Variants in D2HGDH observed in about 807,000 individuals in gnomAD.
D2HGDH encodes D-2-hydroxyglutarate dehydrogenase, mitochondrial.
A neutral mutation model predicts 46.9 loss-of-function variants in D2HGDH; 31 were observed. The observed-to-expected ratio is 0.66, with a 90% CI of 0.50 to 0.89. The LOEUF (loss-of-function observed/expected upper bound fraction) is 0.89. D2HGDH is among the 40% of genes least tolerant of loss of function. D2HGDH has a pLI of 0.00. For missense variants in D2HGDH, 698 were observed against 720.8 expected (o/e 0.97, Z 0.36); for synonymous variants, 364 against 332.6 (o/e 1.09, Z -1.03).
Position 241,745,954 on chromosome 2 carries a change from C to T in D2HGDH, c.853+1077C>T, listed in dbSNP as rs369721079. Among the ~76,000 whole-genome samples, 94 of 152,292 alleles carry T rather than the reference C, an allele frequency of 6.2e-4. 2 individuals carry two copies. The South Asian group carries it at 0.018, about 30-fold the overall frequency. ...CTGCTGCTGTGAAGGGATTCTGCCT[C>T]TCTCCTGGCCCCCCTTGGGCCACTT... On this transcript the variant is annotated intron_variant, in intron 6 of 9. Coordinates refer to ENST00000321264, the MANE Select transcript of D2HGDH (RefSeq NM_152783.5).
At chr2:241,748,882 G>A (rs996220018) in intron 6 of D2HGDH, 16 of 1,298,440 alleles carry the variant, frequency 1.2e-5, no homozygotes, top group Admixed American at 2.3e-5. Flanking sequence ...TGTGCCGCCC[G>A]CCTGTGGTCC....
At chr2:241,739,282 G>C (rs1693775392) in intron 2 of D2HGDH, among the ~76,000 whole-genome samples, 1 of 152,184 alleles carries the variant, frequency 6.6e-6, no homozygotes, top group Non-Finnish European at 1.5e-5. Flanking sequence ...TGTTTGTGTT[G>C]AGAACCCTGC....
chr2:241,758,402 A>G (rs573208072), intron 9 of D2HGDH, among the ~76,000 whole-genome samples: 86 of 152,164 alleles, frequency 5.7e-4, no homozygotes, highest in African/African-American at 2.0e-3. Flanking sequence ...TGGTATTGCT[A>G]ATTTTTTCCC....
chr2:241,736,950 T>G (rs763578366), intron 2 of D2HGDH, among the ~76,000 whole-genome samples: 6 of 151,478 alleles, frequency 4.0e-5, no homozygotes, highest in Admixed American at 6.6e-5. Flanking sequence ...CATGAGCCAC[T>G]GCACTTAGCT....
intron 7 of D2HGDH, 99 bp from the exon 8 acceptor site, chr2:241,751,147 A>G: frequency 6.5e-7 from 1 of 1,535,336 alleles, no homozygotes; most frequent in South Asian, 1.1e-5. Flanking sequence ...GCCACGAAAG[A>G]TCAGTGGTTG....
At chr2:241,755,683 C>G in intron 8 of D2HGDH, 166 bp from the exon 9 acceptor site, 1 of 1,554,172 alleles carries the variant, frequency 6.4e-7, no homozygotes, top group Non-Finnish European at 8.7e-7. Flanking sequence ...CATTCGCTGT[C>G]TGGGGTTGGA....
chr2:241,755,326 G>T (rs1177993802), intron 8 of D2HGDH: 1 of 1,303,628 alleles, frequency 7.7e-7, no homozygotes, highest in South Asian at 1.2e-5. Context: ...GAGCTGCCTG[G>T]GCCCTGCTGT....
chr2:241,750,200 G>A lies in D2HGDH; in HGVS notation c.903G>A (p.Gly301=). The change falls in exon 7 of 10, where the codon GGG becomes GGA. Residue 301 remains glycine, a synonymous_variant. Transcript: ENST00000321264. ...EVLQTFSTCK[G]MLGEILSAFE... is the part of the protein sequence containing the mutation. ...TGCAGACCTTCAGCACCTGCAAGGG[G>A]ATGCTGGGTGAGATCCTGTCTGCAT... 6.2e-7 allele frequency: 1 copy of A among 1,614,124 alleles called. No homozygotes were observed. The highest frequency in any genetic ancestry group is 8.5e-7 in the Non-Finnish European group (1 of 1,180,028).
intron 9 of D2HGDH, among the ~76,000 whole-genome samples, chr2:241,758,047 G>A (rs1698360717): frequency 6.6e-6 from 1 of 152,058 alleles, no homozygotes; most frequent in Non-Finnish European, 1.5e-5. Flanking sequence ...TTGTCTGCCT[G>A]TAATCAGTGT....
chr2:241,760,630 A>G (rs1418938645), intron 9 of D2HGDH, among the ~76,000 whole-genome samples: 1 of 151,152 alleles, frequency 6.6e-6, no homozygotes, highest in Admixed American at 6.6e-5. Context: ...AATCAGTCGA[A>G]GTCCTTTGCC....
Position 241,751,370 on chromosome 2 carries a change from C to T in D2HGDH, c.1122C>T (p.Thr374=), listed in dbSNP as rs556507268. The T allele has an allele frequency of 1.5e-5, 24 of 1,613,542 alleles. No homozygotes were observed. The highest frequency in any genetic ancestry group is 1.1e-4 in the African/African-American group (8 of 75,042). Residue 374 remains threonine, a synonymous_variant, in exon 8 of 10, where the codon ACC becomes ACT. Transcript: ENST00000321264. ...TGGTGACCGATGGGACCATGGCCAC[C>T]GACCAGAGGAAAGTCAAGGTGCCCT... The part of the protein sequence containing the change: ...SGLVTDGTMA[T]DQRKVKMLWA...
intron 6 of D2HGDH, among the ~76,000 whole-genome samples, chr2:241,746,882 C>T (rs1271732344): frequency 7.1e-6 from 1 of 140,430 alleles, no homozygotes; most frequent in African/African-American, 2.6e-5. Flanking sequence ...AGCAAGACTC[C>T]ATCTCAAAAA....
At position 241,767,486 on chromosome 2, in the gene D2HGDH, G is replaced by A. The variant is rs1302203688; in HGVS notation, c.1307-224G>A. Among the ~76,000 whole-genome samples, 2 of 131,834 alleles carry A rather than the reference G, an allele frequency of 1.5e-5. 1 individual carries two copies. The highest frequency in any genetic ancestry group is 6.6e-5 in the African/African-American group (2 of 30,358). 86.5% of individuals were successfully genotyped at this position (131,834 alleles called of 152,430 possible). ...GAGATGGGAGCCCCGGGCTGAGGGAGTAGGAAGAGGGGGGAGAACTTGGGG... is the reference window on the plus strand; with the variant it reads ...GAGATGGGAGCCCCGGGCTGAGGGAATAGGAAGAGGGGGGAGAACTTGGGG... On this transcript the variant is annotated intron_variant, in intron 9 of 9. Coordinates refer to ENST00000321264, the MANE Select transcript of D2HGDH (RefSeq NM_152783.5).
chr2:241,754,213 G>C (rs982962257), intron 8 of D2HGDH, among the ~76,000 whole-genome samples: 1 of 152,204 alleles, frequency 6.6e-6, no homozygotes, highest in African/African-American at 2.4e-5. Context: ...ACAGGCAGCC[G>C]ATGCCCGCCA....
chr2:241,740,575 A>G (rs1439026251), intron 2 of D2HGDH, among the ~76,000 whole-genome samples: 1 of 152,188 alleles, frequency 6.6e-6, no homozygotes, highest in Non-Finnish European at 1.5e-5. Context: ...GCTGGAGTGC[A>G]GTGTTGCGAT....
intron 6 of D2HGDH, 129 bp from the exon 7 acceptor site, chr2:241,750,022 C>T: frequency 1.4e-6 from 2 of 1,391,796 alleles, no homozygotes; most frequent in Non-Finnish European, 2.0e-6. Flanking sequence ...AGTGCCAGTC[C>T]TCGTGCTCCT....
intron 2 of D2HGDH, 117 bp downstream of exon 2, chr2:241,735,633 G>T: frequency 7.2e-7 from 1 of 1,398,188 alleles, no homozygotes; most frequent in East Asian, 2.4e-5. Context: ...CCCTGGCTGC[G>T]CTGAGAGGGG....
At chr2:241,762,772 G>A (rs552382077) in intron 9 of D2HGDH, among the ~76,000 whole-genome samples, 67 of 152,206 alleles carry the variant, frequency 4.4e-4, no homozygotes, top group African/African-American at 1.5e-3. Context: ...TTTCATCTCC[G>A]GAAGATTGGC....
chr2:241,748,859 C>T (rs1696560402), intron 6 of D2HGDH: 1 of 1,284,780 alleles, frequency 7.8e-7, no homozygotes, highest in African/African-American at 1.5e-5. Flanking sequence ...CCCACTCCAA[C>T]TGCAGTCACC....
Sources: allele counts gnomAD v4.1 joint callset (sites outside exome capture counted in the v4.1 genomes callset), GRCh38; gene constraint gnomAD v4.1.1; transcripts MANE v1.5; gene names NCBI Gene and HGNC (gene_info 2026-07-23, HGNC 2026-07-21).